The following SYT9 variants were observed in gnomAD, a reference collection of about 807,000 sequenced individuals.
The protein encoded by SYT9 is synaptotagmin 9, also known as synaptotagmin-9.
In SYT9, 22 loss-of-function variants were observed where a neutral mutation model predicts 48.4. That is an observed-to-expected ratio of 0.45 (90% CI 0.32 to 0.65). The LOEUF is 0.65. Ranked by LOEUF, SYT9 falls within the 30% of genes least tolerant of loss-of-function variation. The pLI, the probability that SYT9 is intolerant of heterozygous loss-of-function variation, is 0.03. For synonymous variants in SYT9, 265 were observed against 245.0 expected, an observed-to-expected ratio of 1.08 and a Z score of -0.76; for missense variants, 577 against 622.0, an observed-to-expected ratio of 0.93 and a Z score of 0.77.
chr11:7,338,489 C>G (rs1365223332), intron 3 of SYT9, among the ~76,000 whole-genome samples: 1 of 152,138 alleles, frequency 6.6e-6, no homozygotes, highest in Non-Finnish European at 1.5e-5. Context: ...GTGTTTAGTG[C>G]TGTGTATTTC....
intron 1 of SYT9, among the ~76,000 whole-genome samples, chr11:7,294,272 C>A (rs1848749546): frequency 6.6e-6 from 1 of 152,130 alleles, no homozygotes; most frequent in African/African-American, 2.4e-5. Context: ...AAATCTATAT[C>A]ATTCCACTGC....
intron 3 of SYT9, among the ~76,000 whole-genome samples, chr11:7,362,704 C>CAT (rs58044408): frequency 5.3e-5 from 8 of 151,478 alleles, no homozygotes; most frequent in Non-Finnish European, 8.8e-5. Context: ...GTACTTATCG[C>CAT]ATATATATAT....
intron 1 of SYT9, among the ~76,000 whole-genome samples, chr11:7,256,389 A>C (rs1847971072): frequency 6.6e-6 from 1 of 152,202 alleles, no homozygotes; most frequent in African/African-American, 2.4e-5. Context: ...CAGGATCCTC[A>C]GGTGAGAGTT....
At chr11:7,372,007 A>G (rs67936729) in intron 3 of SYT9, among the ~76,000 whole-genome samples, 29,697 of 152,010 alleles carry the variant, frequency 0.2, 3,009 homozygotes, top group African/African-American at 0.23. Flanking sequence ...TTATGTTTCT[A>G]TTTCTCTTGG....
At chr11:7,442,045 C>T (rs183885936) in intron 6 of SYT9, among the ~76,000 whole-genome samples, 2 of 152,192 alleles carry the variant, frequency 1.3e-5, no homozygotes, top group Non-Finnish European at 1.5e-5. Context: ...AAGCTCAAGC[C>T]AGCACAGACA....
rs530748049 is a variant in SYT9, at chr11:7,345,590, G to T, written c.1044+31649G>T. ...ATGGGAAATATTAGGTGAAGAATAG[G>T]CTGTATTCTGGTATAAGTAAGATCA... is the stretch of plus-strand genomic sequence containing the variant. On this transcript the variant is annotated intron_variant, in intron 3 of 6. Transcript: ENST00000318881. 2.0e-5 allele frequency among the ~76,000 whole-genome samples: 3 copies of T among 152,250 alleles called. No individual in the cohort carries two copies. In the South Asian group the frequency reaches 6.2e-4, roughly 32 times the overall value.
intron 3 of SYT9, among the ~76,000 whole-genome samples, chr11:7,353,986 A>G (rs903895916): frequency 6.6e-6 from 1 of 152,330 alleles, no homozygotes; most frequent in Non-Finnish European, 1.5e-5. Flanking sequence ...TTATACTACA[A>G]TTAGCAAATA....
intron 1 of SYT9, among the ~76,000 whole-genome samples, chr11:7,253,207 T>G (rs975804631): frequency 7.2e-5 from 11 of 152,242 alleles, no homozygotes; most frequent in African/African-American, 2.7e-4. Context: ...TTCCAATGTT[T>G]GCTTGAGATG....
intron 1 of SYT9, among the ~76,000 whole-genome samples, chr11:7,286,371 G>T (rs1262639531): frequency 1.3e-5 from 2 of 152,214 alleles, no homozygotes; most frequent in Non-Finnish European, 2.9e-5. Flanking sequence ...CAGCTGAGAT[G>T]CAGGGCACCA....
intron 6 of SYT9, chr11:7,441,465 T>C (rs1004763466): frequency 6.6e-6 from 1 of 152,182 alleles, no homozygotes; most frequent in Middle Eastern, 3.2e-3. Context: ...CAAACTAGAT[T>C]GAACAAAGAA....
At chr11:7,249,690 C>T (rs1382051323), upstream of SYT9, among the ~76,000 whole-genome samples, 2 of 152,218 alleles carry the variant, frequency 1.3e-5, no homozygotes, top group African/African-American at 4.8e-5. Context: ...AGCACTATTA[C>T]AAGCACTTAA....
chr11:7,370,016 G>A (rs773213155), intron 3 of SYT9, among the ~76,000 whole-genome samples: 20 of 151,922 alleles, frequency 1.3e-4, no homozygotes, highest in Non-Finnish European at 2.2e-4. Flanking sequence ...AGTATACACG[G>A]CACCATATTT....
intron 2 of SYT9, among the ~76,000 whole-genome samples, chr11:7,305,081 T>C (rs1416863703): frequency 6.6e-6 from 1 of 152,178 alleles, no homozygotes; most frequent in Non-Finnish European, 1.5e-5. Flanking sequence ...TATATAAATA[T>C]ACTGCATAGC....
At chr11:7,415,100 G>C (rs753636139) in intron 3 of SYT9, among the ~76,000 whole-genome samples, 1 of 138,388 alleles carries the variant, frequency 7.2e-6, no homozygotes, top group African/African-American at 2.8e-5. Flanking sequence ...TTCCCCAGTG[G>C]AGGGAAATGG....
intron 3 of SYT9, among the ~76,000 whole-genome samples, chr11:7,411,249 T>C (rs1486178745): frequency 6.6e-6 from 1 of 152,254 alleles, no homozygotes; most frequent in East Asian, 1.9e-4. Context: ...TCTTTTTTTC[T>C]AATTGTCATT....
At chr11:7,329,212 T>C (rs2133975176) in intron 3 of SYT9, among the ~76,000 whole-genome samples, 1 of 152,296 alleles carries the variant, frequency 6.6e-6, no homozygotes, top group Middle Eastern at 3.4e-3. Flanking sequence ...TCCATGTTTG[T>C]TTGTTTATTC....
chr11:7,294,516 T>G (rs1848756681), intron 1 of SYT9, among the ~76,000 whole-genome samples: 1 of 152,124 alleles, frequency 6.6e-6, no homozygotes, highest in African/African-American at 2.4e-5. Flanking sequence ...CCAAATACAA[T>G]GGTGAAAAGG....
intron 6 of SYT9, chr11:7,438,115 T>C (rs1376317038): frequency 6.6e-6 from 1 of 152,066 alleles, no homozygotes; most frequent in African/African-American, 2.4e-5. Flanking sequence ...ATATAATTGG[T>C]GGTTTCAAAT....
intron 1 of SYT9, among the ~76,000 whole-genome samples, chr11:7,281,909 G>A (rs1848500736): frequency 1.3e-5 from 2 of 152,132 alleles, no homozygotes; most frequent in African/African-American, 4.8e-5. Flanking sequence ...AAGTGTCTTG[G>A]AACTTCCCAC....
Sources: allele counts gnomAD v4.1 joint callset (sites outside exome capture counted in the v4.1 genomes callset), GRCh38; gene constraint gnomAD v4.1.1; transcripts MANE v1.5; gene names NCBI Gene and HGNC (gene_info 2026-07-23, HGNC 2026-07-21).